PIKFYVE: variants seen among roughly 807,000 people sequenced by gnomAD.
PIKFYVE encodes phosphoinositide kinase, FYVE-type zinc finger containing, also known as 1-phosphatidylinositol 3-phosphate 5-kinase.
In PIKFYVE, 122 loss-of-function variants were observed where a neutral mutation model predicts 257.9. The ratio of observed to expected loss-of-function variants is 0.47; its 90% CI spans 0.41 to 0.55. The LOEUF is 0.55. Ranked by LOEUF, PIKFYVE falls within the 20% of genes least tolerant of loss-of-function variation. The probability of loss-of-function intolerance (pLI) is 0.00; values close to 1 mark genes in which losing one functional copy is unlikely to be tolerated. For synonymous variants in PIKFYVE, 892 were observed against 868.9 expected, an observed-to-expected ratio of 1.03 and a Z score of -0.47; for missense variants, 2,160 against 2,536.6, an observed-to-expected ratio of 0.85 and a Z score of 3.19.
intron 16 of PIKFYVE, among the ~76,000 whole-genome samples, chr2:208,319,062 G>A (rs2125510745): frequency 6.6e-6 from 1 of 151,960 alleles, no homozygotes; most frequent in South Asian, 2.1e-4. Context: ...ACCTTGCTGT[G>A]CTTCAGAATC....
At chr2:208,335,185 C>A in intron 24 of PIKFYVE, 121 bp from the exon 25 acceptor site, 1 of 724,174 alleles carries the variant, frequency 1.4e-6, no homozygotes, top group South Asian at 1.7e-5. Flanking sequence ...TTTTAAAATA[C>A]GATTTTATAG....
At chr2:208,305,258 A>G in intron 12 of PIKFYVE, 2 of 1,374,230 alleles carry the variant, frequency 1.5e-6, no homozygotes, top group Non-Finnish European at 1.9e-6. Flanking sequence ...AGTCTTTAAA[A>G]GGAACTACAT....
chr2:208,312,571 A>G (rs571674395), intron 13 of PIKFYVE, among the ~76,000 whole-genome samples: 1 of 152,220 alleles, frequency 6.6e-6, no homozygotes, highest in Non-Finnish European at 1.5e-5. Flanking sequence ...TCTTTTAAAG[A>G]CATAGTTTAC....
At chr2:208,304,531 T>A (rs1694089229) in intron 11 of PIKFYVE, among the ~76,000 whole-genome samples, 1 of 152,232 alleles carries the variant, frequency 6.6e-6, no homozygotes, top group Admixed American at 6.5e-5. Flanking sequence ...GTCTATAGTT[T>A]GTAGCAGCTT....
intron 12 of PIKFYVE, among the ~76,000 whole-genome samples, chr2:208,309,175 T>A (rs1298268727): frequency 6.6e-6 from 1 of 152,208 alleles, no homozygotes; most frequent in African/African-American, 2.4e-5. Flanking sequence ...TTTTAATGTT[T>A]TTTTAGGTCC....
rs749616889 is a variant in PIKFYVE, at chr2:208,271,556, T to C, written c.37T>C (p.Ser13Pro). ...TGATAAGACGTCCCCAACACTGGAC[T>C]CTGCTAATGATTTGCCTCGATCTCC... is the stretch of plus-strand genomic sequence containing the variant. ...TDDKTSPTLD[S>P]ANDLPRSPTS... The change falls in exon 2 of 42, where the codon TCT (serine) becomes CCT (proline). Residue 13 changes from serine (S) to proline (P), a missense_variant. By Grantham distance (74) the Ser-to-Pro change is moderately conservative. Around this residue, in one of 12 missense-constraint regions of PIKFYVE, gnomAD observed 172 missense variants for 180.6 expected, o/e 0.95. Transcript: ENST00000264380. 1.6e-5 allele frequency: 26 copies of C among 1,614,060 alleles called. 1 individual carries two copies. Among genetic ancestry groups the C allele is most frequent in the South Asian group, 1.4e-4 (13 of 91,090 alleles).
chr2:208,330,305 A>G (rs761364356), intron 22 of PIKFYVE, among the ~76,000 whole-genome samples: 1 of 152,216 alleles, frequency 6.6e-6, no homozygotes, highest in South Asian at 2.1e-4. Context: ...TAGAATTATC[A>G]GAAGGTAAAA....
intron 5 of PIKFYVE, 27 bp downstream of exon 5, chr2:208,277,735 A>C: frequency 6.2e-7 from 1 of 1,609,976 alleles, no homozygotes; most frequent in South Asian, 1.1e-5. Flanking sequence ...GCCAGTTTAC[A>C]ATTTTTAAAG....
chr2:208,357,004 A>G lies in PIKFYVE; in HGVS notation c.*1699A>G. ...GGCAGTAGTTTGGTATTTGGTGCTT[A>G]TTAAAAATGTGGTTTGTTTTGAACT... is the stretch of plus-strand genomic sequence containing the variant. On this transcript the variant is annotated 3_prime_UTR_variant, in exon 42 of 42. Coordinates refer to ENST00000264380, the MANE Select transcript of PIKFYVE (RefSeq NM_015040.4). The G allele has an allele frequency of 6.6e-6, 1 of 152,432 alleles. No individual in the cohort carries two copies. Among genetic ancestry groups the G allele is most frequent in the African/African-American group, 2.4e-5 (1 of 41,458 alleles). The allele number at this position is 152,432 out of a possible 1,614,324, so 9.4% of individuals were successfully genotyped here.
chr2:208,326,584 G>C (rs567432958), intron 20 of PIKFYVE, among the ~76,000 whole-genome samples, 155 bp downstream of exon 20: 56 of 152,296 alleles, frequency 3.7e-4, no homozygotes, highest in African/African-American at 1.3e-3. Context: ...GAGTCTGCTG[G>C]CTTATGTGTT....
chr2:208,302,169 G>A (rs185017604), intron 9 of PIKFYVE, 73 bp from the exon 10 acceptor site: 6 of 1,280,374 alleles, frequency 4.7e-6, no homozygotes, highest in Middle Eastern at 1.8e-4. Context: ...ATATTTTAAG[G>A]TTGTGTCTTA....
chr2:208,309,355 G>A (rs761273537), intron 12 of PIKFYVE, among the ~76,000 whole-genome samples: 8 of 152,150 alleles, frequency 5.3e-5, no homozygotes, highest in Non-Finnish European at 1.2e-4. Context: ...TTTGGAGAAA[G>A]TCACTCTTAA....
At chr2:208,301,195 T>C in intron 9 of PIKFYVE, 101 bp downstream of exon 9, 1 of 1,434,524 alleles carries the variant, frequency 7.0e-7, no homozygotes. Flanking sequence ...AGAGTTAGGG[T>C]GCTCTTTGTT....
chr2:208,273,797 C>T, intron 3 of PIKFYVE, 64 bp downstream of exon 3: 1 of 1,590,192 alleles, frequency 6.3e-7, no homozygotes, highest in Non-Finnish European at 8.6e-7. Context: ...CATTGTGTTT[C>T]CTAGGTTGTT....
At chr2:208,280,345 T>A (rs1690648988) in intron 5 of PIKFYVE, among the ~76,000 whole-genome samples, 1 of 152,140 alleles carries the variant, frequency 6.6e-6, no homozygotes, top group African/African-American at 2.4e-5. Context: ...GAAATAACCA[T>A]AGAGTGAGTT....
intron 5 of PIKFYVE, among the ~76,000 whole-genome samples, chr2:208,281,279 T>G (rs12478198): frequency 0.96 from 146,172 of 152,294 alleles, 70,303 homozygotes; most frequent in East Asian, 1. Context: ...TGGTCTATGT[T>G]TCAGCCAGTC....
intron 5 of PIKFYVE, among the ~76,000 whole-genome samples, chr2:208,284,457 C>T (rs1396744514): frequency 6.6e-6 from 1 of 152,110 alleles, no homozygotes; most frequent in Non-Finnish European, 1.5e-5. Context: ...GACAGGGTTT[C>T]ACCATGTTGG....
intron 7 of PIKFYVE, among the ~76,000 whole-genome samples, chr2:208,295,120 T>C (rs1330821462): frequency 1.3e-5 from 2 of 152,250 alleles, no homozygotes; most frequent in African/African-American, 2.4e-5. Flanking sequence ...CTGTATCTGC[T>C]TGTCTGTCTG....
Position 208,356,995 on chromosome 2 carries a change from T to G in PIKFYVE, c.*1690T>G, listed in dbSNP as rs1468252888. 1 of 152,454 alleles carries G rather than the reference T, an allele frequency of 6.6e-6. No homozygotes were observed. The highest frequency in any genetic ancestry group is 1.5e-5 in the Non-Finnish European group (1 of 68,038). The allele number at this position is 152,454 out of a possible 1,614,324, so 9.4% of individuals were successfully genotyped here. On this transcript the variant is annotated 3_prime_UTR_variant, in exon 42 of 42. Transcript: ENST00000264380. ...GAGAATCAAGGCAGTAGTTTGGTATTTGGTGCTTATTAAAAATGTGGTTTG... is the reference window on the plus strand; with the variant it reads ...GAGAATCAAGGCAGTAGTTTGGTATGTGGTGCTTATTAAAAATGTGGTTTG...
Sources: gnomAD v4.1 joint callset for allele counts (sites outside exome capture counted in the v4.1 genomes callset) on GRCh38, gnomAD v4.1.1 for gene constraint, gnomAD v4.1.1 regional missense constraint, MANE v1.5 for transcripts, NCBI Gene and HGNC (gene_info 2026-07-23, HGNC 2026-07-21) for gene names.